Variants in SH3GL2 observed in about 807,000 individuals in gnomAD.
The protein encoded by SH3GL2 is SH3 domain containing GRB2 like 2, endophilin A1.
A neutral mutation model predicts 46.0 loss-of-function variants in SH3GL2; 24 were observed. That is an observed-to-expected ratio of 0.52 (90% CI 0.38 to 0.73). The LOEUF (loss-of-function observed/expected upper bound fraction) is 0.73, where lower values mean the gene tolerates loss of function less well. Among genes scored for constraint, SH3GL2 ranks in the 30% least tolerant of loss-of-function variants. The pLI is 0.00. For missense variants in SH3GL2, 413 were observed against 424.2 expected (o/e 0.97, Z 0.23); for synonymous variants, 196 against 147.1 (o/e 1.33, Z -2.40).
chr9:17,686,374 G>A lies in SH3GL2; in HGVS notation c.46-60692G>A, dbSNP rs200219846. On this transcript the variant is annotated intron_variant, in intron 1 of 8. Coordinates refer to ENST00000380607, the MANE Select transcript of SH3GL2 (RefSeq NM_003026.5). ...AACTAGTTCAACCATTGTGGAAGTC[G>A]GTGTGGCGATTCCTCAGGGATCTAG... Among the ~76,000 whole-genome samples, 850 of 126,424 alleles carry A rather than the reference G, an allele frequency of 6.7e-3. 1 individual carries two copies. Among genetic ancestry groups the A allele is most frequent in the African/African-American group, 0.026 (711 of 27,646 alleles). The allele number at this position is 126,424 out of a possible 152,430, so 82.9% of individuals were successfully genotyped here.
intron 1 of SH3GL2, among the ~76,000 whole-genome samples, chr9:17,601,595 G>A (rs1349877906): frequency 6.6e-6 from 1 of 152,172 alleles, no homozygotes; most frequent in Non-Finnish European, 1.5e-5. Flanking sequence ...TCCCATGTAA[G>A]CTTCAGAAAA....
At chr9:17,752,800 A>G (rs1057108864) in intron 2 of SH3GL2, among the ~76,000 whole-genome samples, 1 of 152,134 alleles carries the variant, frequency 6.6e-6, no homozygotes. Flanking sequence ...AGATGATTTT[A>G]TCACCCAGGT....
At chr9:17,654,797 G>A (rs1009887475) in intron 1 of SH3GL2, among the ~76,000 whole-genome samples, 1 of 152,150 alleles carries the variant, frequency 6.6e-6, no homozygotes, top group Non-Finnish European at 1.5e-5. Flanking sequence ...CAACTGCAAA[G>A]GTGCTATAGG....
chr9:17,690,189 G>C (rs576828501), intron 1 of SH3GL2, among the ~76,000 whole-genome samples: 28 of 152,224 alleles, frequency 1.8e-4, no homozygotes, highest in African/African-American at 5.3e-4. Flanking sequence ...ACAATATCTA[G>C]CTAGGTGCCT....
intron 1 of SH3GL2, among the ~76,000 whole-genome samples, chr9:17,730,557 C>T (rs1303495219): frequency 6.6e-6 from 1 of 152,052 alleles, no homozygotes; most frequent in African/African-American, 2.4e-5. Flanking sequence ...GTGAATGCTG[C>T]CAGCTTTTTG....
At chr9:17,741,427 A>T (rs1381780194) in intron 1 of SH3GL2, among the ~76,000 whole-genome samples, 2 of 152,332 alleles carry the variant, frequency 1.3e-5, no homozygotes, top group South Asian at 4.1e-4. Flanking sequence ...TGTATAGTGG[A>T]TGAATGCAGA....
intron 3 of SH3GL2, among the ~76,000 whole-genome samples, chr9:17,763,694 A>G (rs1448329863): frequency 6.6e-6 from 1 of 152,182 alleles, no homozygotes; most frequent in East Asian, 1.9e-4. Flanking sequence ...ATTTGAAATG[A>G]CAGCTCTAGA....
intron 1 of SH3GL2, among the ~76,000 whole-genome samples, chr9:17,680,029 G>A (rs1050237394): frequency 6.6e-6 from 1 of 152,124 alleles, no homozygotes; most frequent in Non-Finnish European, 1.5e-5. Context: ...GATTCGGTTT[G>A]CCAGTATTTT....
intron 3 of SH3GL2, among the ~76,000 whole-genome samples, chr9:17,765,916 T>TG (rs2131157599): frequency 6.6e-6 from 1 of 152,368 alleles, no homozygotes; most frequent in South Asian, 2.1e-4. Flanking sequence ...GAAGCACAGT[T>TG]GACTGTCAGT....
chr9:17,770,515 A>T (rs1823443801), intron 3 of SH3GL2, among the ~76,000 whole-genome samples: 1 of 152,324 alleles, frequency 6.6e-6, no homozygotes, highest in Admixed American at 6.5e-5. Context: ...CGTTGGGTGT[A>T]GATGGAACCT....
chr9:17,766,675 TG>T (rs1359300259), intron 3 of SH3GL2, among the ~76,000 whole-genome samples: 3 of 152,162 alleles, frequency 2.0e-5, no homozygotes, highest in South Asian at 2.1e-4. Flanking sequence ...AGATATTCTA[TG>T]TTTTTTTTCA....
chr9:17,667,218 T>C (rs1184404768), intron 1 of SH3GL2, among the ~76,000 whole-genome samples: 1 of 152,158 alleles, frequency 6.6e-6, no homozygotes, highest in Non-Finnish European at 1.5e-5. Flanking sequence ...TGGGATATAA[T>C]TCACATACCA....
At chr9:17,649,178 A>G (rs544277339) in intron 1 of SH3GL2, among the ~76,000 whole-genome samples, 31 of 152,330 alleles carry the variant, frequency 2.0e-4, no homozygotes, top group African/African-American at 6.7e-4. Flanking sequence ...GCTCACTGCA[A>G]CCTGCGCCTC....
intron 1 of SH3GL2, among the ~76,000 whole-genome samples, chr9:17,644,209 A>T (rs1184489375): frequency 6.6e-6 from 1 of 151,250 alleles, no homozygotes; most frequent in Non-Finnish European, 1.5e-5. Context: ...TATTGTGCCT[A>T]TTTGATTCTT....
rs139556157 is a variant in SH3GL2, at chr9:17,695,943, A to G, written c.46-51123A>G. On this transcript the variant is annotated intron_variant, in intron 1 of 8. Transcript: ENST00000380607. ...TACTGATGTTGCATTTTTAAAAGGC[A>G]TCTTGACATGATGGGAGAAAAACAG... Among the ~76,000 whole-genome samples, 844 of 152,288 alleles carry G rather than the reference A, an allele frequency of 5.5e-3. 10 individuals are homozygous for G. The highest frequency in any genetic ancestry group is 0.019 in the African/African-American group (808 of 41,560).
chr9:17,764,915 G>A lies in SH3GL2; in HGVS notation c.187+3406G>A, dbSNP rs9407843. On this transcript the variant is annotated intron_variant, in intron 3 of 8. Transcript: ENST00000380607. ...CTCCCGGGTGCTTGCTGGCTTTCAC[G>A]TCTTGGGTACATGGACAGGCCAGGG... is the stretch of plus-strand genomic sequence containing the variant. Among the ~76,000 whole-genome samples, 43 of 11,170 alleles carry A rather than the reference G, an allele frequency of 3.8e-3. 14 individuals are homozygous for A. The highest frequency in any genetic ancestry group is 0.036 in the East Asian group (2 of 56). The allele number at this position is 11,170 out of a possible 152,430, so 7.3% of individuals were successfully genotyped here.
chr9:17,751,853 A>AC (rs35670812), intron 2 of SH3GL2, among the ~76,000 whole-genome samples: 14 of 151,746 alleles, frequency 9.2e-5, no homozygotes, highest in East Asian at 3.9e-4. Context: ...GCTAAGACAC[A>AC]CCCCCCCGGT....
chr9:17,646,546 T>A (rs1330527681), intron 1 of SH3GL2, among the ~76,000 whole-genome samples: 1 of 152,156 alleles, frequency 6.6e-6, no homozygotes, highest in Non-Finnish European at 1.5e-5. Context: ...CAGTGACCTT[T>A]GGATGGAATT....
intron 2 of SH3GL2, among the ~76,000 whole-genome samples, chr9:17,760,669 C>T (rs1823143813): frequency 6.6e-6 from 1 of 152,028 alleles, no homozygotes; most frequent in Non-Finnish European, 1.5e-5. Flanking sequence ...CATGTACATA[C>T]CTTGAATAGG....
Sources: gnomAD v4.1 joint callset for allele counts (sites outside exome capture counted in the v4.1 genomes callset) on GRCh38, gnomAD v4.1.1 for gene constraint, MANE v1.5 for transcripts, NCBI Gene and HGNC (gene_info 2026-07-23, HGNC 2026-07-21) for gene names.